The following AKAP8L variants were observed in gnomAD, a reference collection of about 807,000 sequenced individuals.
AKAP8L encodes A-kinase anchoring protein 8 like.
A neutral mutation model predicts 77.5 loss-of-function variants in AKAP8L; 34 were observed. The ratio of observed to expected loss-of-function variants is 0.44; its 90% CI spans 0.33 to 0.58. AKAP8L has a LOEUF of 0.58. Among genes scored for constraint, AKAP8L ranks in the 20% least tolerant of loss-of-function variants. The pLI is 0.02. For synonymous variants in AKAP8L, 342 were observed against 340.7 expected, an observed-to-expected ratio of 1.00 and a Z score of -0.04; for missense variants, 806 against 887.6, an observed-to-expected ratio of 0.91 and a Z score of 1.17.
intron 1 of AKAP8L, among the ~76,000 whole-genome samples, chr19:15,417,063 C>T (rs767269969): frequency 3.3e-5 from 5 of 152,114 alleles, no homozygotes; most frequent in Non-Finnish European, 7.4e-5. Flanking sequence ...TTTAGCTTGG[C>T]TATCTCAGTG....
rs1176455093 is a variant in AKAP8L at position 15,399,205 on chromosome 19, G to C, written c.1157+97C>G. The stretch of plus-strand genomic sequence containing the variant: ...CGAGCAGGTGGCGGCTCCCAAGGGA[G>C]GCCAGAGGGCGGCGAGCTGGCAGAG... On this transcript the variant is annotated intron_variant, in intron 9 of 13. Coordinates refer to ENST00000397410, the MANE Select transcript of AKAP8L (RefSeq NM_014371.4). The surrounding 1 kb of genome is among the most constrained non-coding windows in gnomAD (Gnocchi z 6.1). The C allele has an allele frequency of 8.9e-7, 1 of 1,124,210 alleles. No homozygotes were observed. Among genetic ancestry groups the C allele is most frequent in the African/African-American group, 1.5e-5 (1 of 65,714 alleles). The allele number at this position is 1,124,210 out of a possible 1,614,324, so 69.6% of individuals were successfully genotyped here.
chr19:15,418,126 G>A (rs1328733389), intron 1 of AKAP8L, among the ~76,000 whole-genome samples: 1 of 152,200 alleles, frequency 6.6e-6, no homozygotes, highest in Admixed American at 6.5e-5. Context: ...CTTTACAGAA[G>A]GCTCCAACCA....
At chr19:15,393,738 T>G (rs954978800) in intron 12 of AKAP8L, among the ~76,000 whole-genome samples, 1 of 151,804 alleles carries the variant, frequency 6.6e-6, no homozygotes, top group Non-Finnish European at 1.5e-5. Flanking sequence ...CTGACCAACA[T>G]GGAGAAACCC....
rs74193977 is a variant in AKAP8L, at chr19:15,392,502, T to TA, written c.1536+4647dup. On this transcript the variant is annotated intron_variant, in intron 12 of 13. Coordinates refer to ENST00000397410, the MANE Select transcript of AKAP8L (RefSeq NM_014371.4). ...ACAGAGTGAGACCCTATTTCAAGAATAAAAAAAAAAAGTATTTTTATACAC... is the reference window on the plus strand; with the variant it reads ...ACAGAGTGAGACCCTATTTCAAGAATAAAAAAAAAAAAGTATTTTTATACAC... 3.1e-4 allele frequency among the ~76,000 whole-genome samples: 39 copies of TA among 126,948 alleles called. No individual in the cohort carries two copies. The East Asian group carries it at 5.0e-3, about 16-fold the overall frequency. The allele number at this position is 126,948 out of a possible 152,430, so 83.3% of individuals were successfully genotyped here. A position where few individuals can be genotyped will look rare whatever the true frequency, so the allele number is the denominator to read the frequency against.
intron 12 of AKAP8L, among the ~76,000 whole-genome samples, chr19:15,395,668 C>A (rs965794512): frequency 7.9e-5 from 12 of 151,346 alleles, no homozygotes; most frequent in Non-Finnish European, 7.4e-5. Context: ...AGTCTTCTAA[C>A]CCCTACTAGT....
chr19:15,399,124 G>C lies in AKAP8L; in HGVS notation c.1157+178C>G. 4 of 625,556 alleles carry C rather than the reference G, an allele frequency of 6.4e-6. No homozygotes were observed. The highest frequency in any genetic ancestry group is 1.1e-5 in the Non-Finnish European group (4 of 358,558). The allele number at this position is 625,556 out of a possible 1,614,324, so 38.8% of individuals were successfully genotyped here. On this transcript the variant is annotated intron_variant, in intron 9 of 13. Transcript: ENST00000397410. This position sits in a 1 kb window ranked among gnomAD's most constrained non-coding sequence, Gnocchi z 6.1. Reference sequence around the variant, plus strand: ...TCGCCAGGCGGCCGCAGAGGGGCAGGGGATGAGTCAGGCCTTGGGAGCTGG... The same window carrying C: ...TCGCCAGGCGGCCGCAGAGGGGCAGCGGATGAGTCAGGCCTTGGGAGCTGG...
At position 15,401,742 on chromosome 19, in the gene AKAP8L, T is replaced by C; in HGVS notation, c.363-139A>G. On this transcript the variant is annotated intron_variant, in intron 4 of 13. Transcript: ENST00000397410. The surrounding 1 kb of genome is among the most constrained non-coding windows in gnomAD (Gnocchi z 6.2). Reference sequence around the variant, plus strand: ...GAGGCTCAATGTTCAGAAATGCCGATTAAAGAGTTCCAGCCTCTCAGCTGA... The same window carrying C: ...GAGGCTCAATGTTCAGAAATGCCGACTAAAGAGTTCCAGCCTCTCAGCTGA... 1 of 691,892 alleles carries C rather than the reference T, an allele frequency of 1.4e-6. No individual in the cohort carries two copies. Among genetic ancestry groups the C allele is most frequent in the Non-Finnish European group, 2.4e-6 (1 of 421,464 alleles). The allele number at this position is 691,892 out of a possible 1,614,324, so 42.9% of individuals were successfully genotyped here. A position where few individuals can be genotyped will look rare whatever the true frequency, so the allele number is the denominator to read the frequency against.
At chr19:15,392,840 G>A (rs1372635900) in intron 12 of AKAP8L, among the ~76,000 whole-genome samples, 1 of 122,556 alleles carries the variant, frequency 8.2e-6, no homozygotes, top group Non-Finnish European at 1.6e-5. Context: ...AGGTTGCAGT[G>A]AGCCAAGATG....
chr19:15,394,190 A>G (rs770340425), intron 12 of AKAP8L, among the ~76,000 whole-genome samples: 12 of 152,264 alleles, frequency 7.9e-5, no homozygotes, highest in Non-Finnish European at 1.5e-4. Context: ...AAAGATAAAT[A>G]AACAAAATGT....
rs1432027828 is a variant in AKAP8L, at chr19:15,399,757, G to A, written c.1049-347C>T. 5 of 361,672 alleles carry A rather than the reference G, an allele frequency of 1.4e-5. No homozygotes were observed. Among genetic ancestry groups the A allele is most frequent in the African/African-American group, 4.1e-5 (2 of 48,222 alleles). 22.4% of individuals were successfully genotyped at this position (361,672 alleles called of 1,614,324 possible). Reference sequence around the variant, plus strand: ...CCAGGTGGTGGGATGCAGGGAGGCTGCTCACATGGCCCTGCCCACCCCCAA... The same window carrying A: ...CCAGGTGGTGGGATGCAGGGAGGCTACTCACATGGCCCTGCCCACCCCCAA... On this transcript the variant is annotated intron_variant, in intron 8 of 13. Coordinates refer to ENST00000397410, the MANE Select transcript of AKAP8L (RefSeq NM_014371.4). The surrounding 1 kb of genome is among the most constrained non-coding windows in gnomAD (Gnocchi z 6.1).
intron 1 of AKAP8L, among the ~76,000 whole-genome samples, chr19:15,415,682 C>G (rs537131473): frequency 4.7e-4 from 72 of 151,980 alleles, no homozygotes; most frequent in Non-Finnish European, 8.5e-4. Flanking sequence ...GTCAGGAGAT[C>G]AAGACCATCC....
intron 1 of AKAP8L, among the ~76,000 whole-genome samples, chr19:15,413,525 C>T (rs1968145993): frequency 2.0e-5 from 3 of 152,150 alleles, no homozygotes. Context: ...AGTAAAGAGG[C>T]TAGAAATCCA....
At chr19:15,388,045 C>T (rs1967578213) in intron 12 of AKAP8L, among the ~76,000 whole-genome samples, 1 of 151,886 alleles carries the variant, frequency 6.6e-6, no homozygotes, top group African/African-American at 2.4e-5. Flanking sequence ...CAATCTATGC[C>T]CCAAAACATT....
chr19:15,401,399 G>A lies in AKAP8L; in HGVS notation c.567C>T (p.Ser189=), dbSNP rs769989390. Residue 189 remains serine (S), a synonymous_variant, in exon 5 of 14, where the codon AGC becomes AGT. Transcript: ENST00000397410. This position sits in a 1 kb window ranked among gnomAD's most constrained non-coding sequence, Gnocchi z 6.2. ...RAQGWARDAR[S]GRPMASGYGR... ...CATAGCCTGAGGCCATTGGCCGGCC[G>A]CTCCGGGCATCCCGGGCCCAGCCCT... The A allele has an allele frequency of 9.9e-6, 16 of 1,613,114 alleles. No homozygotes were observed. The highest frequency in any genetic ancestry group is 3.3e-5 in the South Asian group (3 of 91,072).
Position 15,398,141 on chromosome 19 carries a change from C to G in AKAP8L, c.1158-286G>C. 1 of 452,146 alleles carries G rather than the reference C, an allele frequency of 2.2e-6. No homozygotes were observed. The highest frequency in any genetic ancestry group is 4.1e-6 in the Non-Finnish European group (1 of 245,986). 28.0% of individuals were successfully genotyped at this position (452,146 alleles called of 1,614,324 possible). A position where few individuals can be genotyped will look rare whatever the true frequency, so the allele number is the denominator to read the frequency against. On this transcript the variant is annotated intron_variant, in intron 9 of 13. Coordinates refer to ENST00000397410, the MANE Select transcript of AKAP8L (RefSeq NM_014371.4). The surrounding 1 kb of genome is among the most constrained non-coding windows in gnomAD (Gnocchi z 9.2). ...GCAGCTGCTGCAACAGGCAACGAGT[C>G]GCTGGAAAGTTGCTGGAGGGCCTCG...
At chr19:15,396,580 G>C (rs1181267126) in intron 12 of AKAP8L, among the ~76,000 whole-genome samples, 1 of 152,090 alleles carries the variant, frequency 6.6e-6, no homozygotes, top group Non-Finnish European at 1.5e-5. Flanking sequence ...GTCACCCCAG[G>C]CTTCTGATCA....
In AKAP8L at chr19:15,399,913, C is replaced by CCAGAGCCGTAAAAACTG; in HGVS notation, c.1048+365_1048+381dup. 1 of 355,732 alleles carries CCAGAGCCGTAAAAACTG rather than the reference C, an allele frequency of 2.8e-6. No homozygotes were observed. The highest frequency in any genetic ancestry group is 5.2e-6 in the Non-Finnish European group (1 of 191,782). 22.0% of individuals were successfully genotyped at this position (355,732 alleles called of 1,614,324 possible). The stretch of plus-strand genomic sequence containing the variant: ...GGTGCTAAGGGAGAGGATACGCACA[C>CCAGAGCCGTAAAAACTG]CAGAGCCGTAAAAACTGCACCGAGG... On this transcript the variant is annotated intron_variant, in intron 8 of 13. Transcript: ENST00000397410. The surrounding 1 kb of genome is among the most constrained non-coding windows in gnomAD (Gnocchi z 6.1).
At chr19:15,413,127 A>G (rs1968138839) in intron 1 of AKAP8L, among the ~76,000 whole-genome samples, 1 of 152,228 alleles carries the variant, frequency 6.6e-6, no homozygotes, top group African/African-American at 2.4e-5. Context: ...TTTATCTGCA[A>G]TGATCTCATT....
chr19:15,395,298 C>T (rs1967746394), intron 12 of AKAP8L, among the ~76,000 whole-genome samples: 1 of 151,982 alleles, frequency 6.6e-6, no homozygotes, highest in Non-Finnish European at 1.5e-5. Context: ...TCCCAAAGTG[C>T]CGTGCCCATT....
Sources: allele counts gnomAD v4.1 joint callset (sites outside exome capture counted in the v4.1 genomes callset), GRCh38; gene constraint gnomAD v4.1.1; non-coding constraint Gnocchi (gnomAD v3.1); transcripts MANE v1.5; gene names NCBI Gene and HGNC (gene_info 2026-07-23, HGNC 2026-07-21).